The following PITPNC1 variants were observed in gnomAD, a reference collection of about 807,000 sequenced individuals.
The protein encoded by PITPNC1 is cytoplasmic phosphatidylinositol transfer protein 1.
Under a neutral mutation model 44.7 loss-of-function variants are expected in PITPNC1, and 18 were observed. The observed-to-expected ratio is 0.40, with a 90% confidence interval of 0.28 to 0.60. PITPNC1 has a LOEUF of 0.60. Among genes scored for constraint, PITPNC1 ranks in the 20% least tolerant of loss-of-function variants. The pLI, the probability that PITPNC1 is intolerant of heterozygous loss-of-function variation, is 0.39. For missense variants in PITPNC1, 290 were observed against 418.4 expected, an observed-to-expected ratio of 0.69 and a Z score of 2.68; for synonymous variants, 141 against 149.6, an observed-to-expected ratio of 0.94 and a Z score of 0.42.
At chr17:67,585,389 A>G (rs1286141229) in intron 5 of PITPNC1, among the ~76,000 whole-genome samples, 1 of 152,144 alleles carries the variant, frequency 6.6e-6, no homozygotes, top group African/African-American at 2.4e-5. Context: ...AAGCTTTAGA[A>G]TGTGACTGTG....
rs1044569474 is a variant in PITPNC1 at position 67,573,651 on chromosome 17, C to G, written c.295-4535C>G. On this transcript the variant is annotated intron_variant, in intron 4 of 8. Transcript: ENST00000581322. ...AACCTCAGCTCACTACAACCCCCGC[C>G]TCCCGGGTTCAAGCGATTCTTCCCG... 3.3e-5 allele frequency among the ~76,000 whole-genome samples: 5 copies of G among 151,474 alleles called. 1 individual carries two copies. Among genetic ancestry groups the G allele is most frequent in the African/African-American group, 1.2e-4 (5 of 41,078 alleles).
chr17:67,466,197 T>TGGGGGGGGG (rs146770264), intron 1 of PITPNC1, among the ~76,000 whole-genome samples: 1 of 59,146 alleles, frequency 1.7e-5, no homozygotes, highest in Non-Finnish European at 3.6e-5. Context: ...GATGGTGGGG[T>TGGGGGGGGG]GGGGGGGTGG....
chr17:67,639,993 T>C (rs1237008965), intron 6 of PITPNC1, among the ~76,000 whole-genome samples: 2 of 152,196 alleles, frequency 1.3e-5, no homozygotes, highest in African/African-American at 4.8e-5. Flanking sequence ...TGGTAAAGAT[T>C]TTCCGTTACC....
chr17:67,558,599 T>G (rs1240495916), intron 4 of PITPNC1, among the ~76,000 whole-genome samples: 6 of 152,134 alleles, frequency 3.9e-5, no homozygotes, highest in African/African-American at 1.4e-4. Flanking sequence ...AGGAAATGGA[T>G]AGCAGGGACC....
chr17:67,479,765 T>C (rs1203757133), intron 1 of PITPNC1, among the ~76,000 whole-genome samples: 1 of 152,220 alleles, frequency 6.6e-6, no homozygotes, highest in Non-Finnish European at 1.5e-5. Flanking sequence ...CTTTAGGTTC[T>C]AAGGACTGGC....
intron 2 of PITPNC1, among the ~76,000 whole-genome samples, chr17:67,546,444 A>T (rs903145110): frequency 3.3e-5 from 5 of 151,998 alleles, no homozygotes; most frequent in Admixed American, 3.3e-4. Context: ...CTCTCATGCT[A>T]CCGGGCCCCT....
At chr17:67,610,642 G>A (rs2041675308) in intron 5 of PITPNC1, among the ~76,000 whole-genome samples, 2 of 152,104 alleles carry the variant, frequency 1.3e-5, no homozygotes, top group African/African-American at 4.8e-5. Flanking sequence ...ACAAACATTA[G>A]CCGGGCGTGG....
chr17:67,658,124 G>A (rs1048262004), intron 6 of PITPNC1, among the ~76,000 whole-genome samples: 4 of 152,232 alleles, frequency 2.6e-5, no homozygotes, highest in African/African-American at 4.8e-5. Flanking sequence ...AGGCAGCTCA[G>A]ACTATGGCCC....
intron 1 of PITPNC1, among the ~76,000 whole-genome samples, chr17:67,412,981 G>A (rs1025249881): frequency 6.6e-6 from 1 of 152,072 alleles, no homozygotes; most frequent in Non-Finnish European, 1.5e-5. Flanking sequence ...TAATGAGTTG[G>A]TTGCTAGATA....
intron 2 of PITPNC1, among the ~76,000 whole-genome samples, chr17:67,536,229 G>T (rs1242978049): frequency 6.6e-6 from 1 of 152,126 alleles, no homozygotes; most frequent in Non-Finnish European, 1.5e-5. Context: ...TGCTAATATT[G>T]TTTAGGAATT....
intron 1 of PITPNC1, among the ~76,000 whole-genome samples, chr17:67,486,881 A>C (rs1196676798): frequency 6.6e-6 from 1 of 151,982 alleles, no homozygotes; most frequent in Non-Finnish European, 1.5e-5. Flanking sequence ...AAAAATACAA[A>C]AATTAGCTGA....
At chr17:67,390,812 A>C (rs563683608) in intron 1 of PITPNC1, among the ~76,000 whole-genome samples, 1 of 152,288 alleles carries the variant, frequency 6.6e-6, no homozygotes, top group East Asian at 1.9e-4. Context: ...TGGGGTCACC[A>C]ACCACTTCCT....
intron 4 of PITPNC1, among the ~76,000 whole-genome samples, chr17:67,573,995 T>C (rs2041100625): frequency 1.3e-5 from 2 of 152,208 alleles, no homozygotes; most frequent in African/African-American, 4.8e-5. Context: ...TTTCATTATA[T>C]TTTTAGGCTG....
chr17:67,475,940 A>T (rs932312677), intron 1 of PITPNC1, among the ~76,000 whole-genome samples: 1 of 152,056 alleles, frequency 6.6e-6, no homozygotes, highest in African/African-American at 2.4e-5. Flanking sequence ...ACGTAAAAAA[A>T]CCCCAGTGTC....
chr17:67,575,842 CTTT>C (rs2041137988), intron 4 of PITPNC1, among the ~76,000 whole-genome samples: 6 of 95,050 alleles, frequency 6.3e-5, no homozygotes, highest in African/African-American at 2.1e-4. Flanking sequence ...TTCCTTCCTT[CTTT>C]CTTTCTTTCT....
At chr17:67,631,047 G>GTTA (rs2041959345) in intron 5 of PITPNC1, among the ~76,000 whole-genome samples, 1 of 103,488 alleles carries the variant, frequency 9.7e-6, no homozygotes, top group Non-Finnish European at 2.1e-5. Context: ...CTGTGTTGTT[G>GTTA]TTGTTGTTAT....
At chr17:67,411,654 A>G (rs1016374639) in intron 1 of PITPNC1, among the ~76,000 whole-genome samples, 3 of 152,134 alleles carry the variant, frequency 2.0e-5, no homozygotes, top group Non-Finnish European at 4.4e-5. Context: ...CCAGAAGGCA[A>G]CTTGGTGTCA....
chr17:67,567,423 G>A (rs2040994811), intron 4 of PITPNC1, among the ~76,000 whole-genome samples: 9 of 151,958 alleles, frequency 5.9e-5, no homozygotes, highest in Admixed American at 5.9e-4. Flanking sequence ...GGCAGAGCGT[G>A]CAGTGAGCCA....
chr17:67,617,725 C>T (rs1293884051), intron 5 of PITPNC1, among the ~76,000 whole-genome samples: 2 of 152,136 alleles, frequency 1.3e-5, no homozygotes, highest in African/African-American at 4.8e-5. Flanking sequence ...GGCTGCAACA[C>T]TCTAATCTCT....
Sources: gnomAD v4.1 joint callset for allele counts (sites outside exome capture counted in the v4.1 genomes callset) on GRCh38, gnomAD v4.1.1 for gene constraint, MANE v1.5 for transcripts, NCBI Gene and HGNC (gene_info 2026-07-23, HGNC 2026-07-21) for gene names.